Variants in UTP18 observed in about 807,000 individuals in gnomAD.
UTP18 encodes U3 small nucleolar RNA-associated protein 18 homolog.
In UTP18, 36 loss-of-function variants were observed where a neutral mutation model predicts 61.1. That is an observed-to-expected ratio of 0.59 (90% confidence interval 0.45 to 0.78). The LOEUF is 0.78. Among genes scored for constraint, UTP18 ranks in the 30% least tolerant of loss-of-function variants. UTP18 has a pLI of 0.00. For missense variants in UTP18, 753 were observed against 693.9 expected, an observed-to-expected ratio of 1.09 and a Z score of -0.96; for synonymous variants, 282 against 251.1, an observed-to-expected ratio of 1.12 and a Z score of -1.16.
intron 13 of UTP18, 35 bp from the exon 14 acceptor site, chr17:51,297,747 A>T: frequency 2.3e-6 from 1 of 439,970 alleles, no homozygotes; most frequent in Non-Finnish European, 4.5e-6. Flanking sequence ...AGCAGCTATA[A>T]ATCAGGTATG....
At chr17:51,281,141 A>T (rs989963946) in intron 9 of UTP18, among the ~76,000 whole-genome samples, 2 of 144,534 alleles carry the variant, frequency 1.4e-5, no homozygotes, top group East Asian at 4.0e-4. Flanking sequence ...CACGTCTCAA[A>T]ATATATATAT....
Position 51,277,125 on chromosome 17 carries a change from T to C in UTP18, c.838-5T>C, listed in dbSNP as rs753124534. 2 of 1,613,516 alleles carry C rather than the reference T, an allele frequency of 1.2e-6. No homozygotes were observed. The highest frequency in any genetic ancestry group is 1.7e-6 in the Non-Finnish European group (2 of 1,179,688). On this transcript the variant is annotated splice_region_variant and splice_polypyrimidine_tract_variant and intron_variant, in intron 6 of 13. Transcript: ENST00000225298. ...TCAAAAGAACCATTTTGTACTTCTT[T>C]ATAGGTTGATGGGAAAACAAATCCT...
chr17:51,292,860 C>G (rs759397316), intron 11 of UTP18, among the ~76,000 whole-genome samples: 68 of 152,330 alleles, frequency 4.5e-4, no homozygotes, highest in Non-Finnish European at 5.9e-5. Flanking sequence ...GAGCTTTTGG[C>G]TCTCTCTAAA....
chr17:51,296,930 A>C (rs745899051), intron 12 of UTP18, 35 bp from the exon 13 acceptor site: 34 of 1,596,214 alleles, frequency 2.1e-5, no homozygotes, highest in Middle Eastern at 3.3e-4. Flanking sequence ...GGTAATTACA[A>C]AGTTGTTCAG....
chr17:51,283,460 G>T (rs1905015771), intron 9 of UTP18, among the ~76,000 whole-genome samples: 1 of 152,068 alleles, frequency 6.6e-6, no homozygotes, highest in Non-Finnish European at 1.5e-5. Context: ...GAGCCACTGC[G>T]TGTGCACCCT....
chr17:51,274,830 A>G (rs1229718619), intron 5 of UTP18, among the ~76,000 whole-genome samples: 1 of 152,054 alleles, frequency 6.6e-6, no homozygotes, highest in Non-Finnish European at 1.5e-5. Flanking sequence ...AATTAGATAC[A>G]GTGATTTTGT....
At chr17:51,289,987 C>A (rs1029663103) in intron 11 of UTP18, among the ~76,000 whole-genome samples, 1 of 152,036 alleles carries the variant, frequency 6.6e-6, no homozygotes, top group African/African-American at 2.4e-5. Flanking sequence ...TCCACAGAGC[C>A]CTAGATTCTG....
chr17:51,294,044 A>C lies in UTP18; in HGVS notation c.1645A>C (p.Arg549=), dbSNP rs749218608. The C allele has an allele frequency of 1.9e-6, 3 of 1,586,090 alleles. No individual in the cohort carries two copies. Among genetic ancestry groups the C allele is most frequent in the South Asian group, 2.4e-5 (2 of 84,826 alleles). ...GNEKGKALMY[R]LHHYSDF ...TGAAAAGGGCAAGGCCCTGATGTAT[A>C]GGTAGGTATTATTTATGTTTAAAAG... is the stretch of plus-strand genomic sequence containing the variant. The change falls in exon 12 of 14, where the codon AGG becomes CGG. Residue 549 remains arginine, a splice_region_variant and synonymous_variant. Coordinates refer to ENST00000225298, the MANE Select transcript of UTP18 (RefSeq NM_016001.3).
At chr17:51,261,255 G>A (rs1418526022) in intron 1 of UTP18, among the ~76,000 whole-genome samples, 1 of 152,186 alleles carries the variant, frequency 6.6e-6, no homozygotes, top group East Asian at 1.9e-4. Context: ...GTGGTCTTTT[G>A]ATCACCTGCC....
intron 4 of UTP18, among the ~76,000 whole-genome samples, 177 bp from the exon 5 acceptor site, chr17:51,273,185 A>ATTTTTTTTTTTTTT (rs35339641): frequency 7.0e-6 from 1 of 142,332 alleles, no homozygotes. Flanking sequence ...CTCCTTTAAA[A>ATTTTTTTTTTTTTT]TTTTTTTTTT....
chr17:51,288,276 AAGG>A, intron 11 of UTP18, 73 bp downstream of exon 11: 1 of 1,372,686 alleles, frequency 7.3e-7, no homozygotes, highest in Non-Finnish European at 9.8e-7. Context: ...AGTAACAGGA[AAGG>A]AGAGCGTTGA....
At position 51,260,547 on chromosome 17, in the gene UTP18, T is replaced by C. The variant is rs572245450; in HGVS notation, c.-38T>C. On this transcript the variant is annotated 5_prime_UTR_variant, in exon 1 of 14. Transcript: ENST00000225298. ...GGGCCTGGGCGCATGCGCAGCGAGG[T>C]TCCACGTGAGCGCCTGCGTTTCTCC... 1.3e-6 allele frequency: 2 copies of C among 1,584,386 alleles called. No homozygotes were observed. Among genetic ancestry groups the C allele is most frequent in the Admixed American group, 1.8e-5 (1 of 54,736 alleles).
chr17:51,279,974 CTT>C (rs1444732756), intron 7 of UTP18, 29 bp from the exon 8 acceptor site: 2 of 1,543,522 alleles, frequency 1.3e-6, no homozygotes, highest in South Asian at 2.3e-5. Context: ...CTATATAAAA[CTT>C]TATTTAATTG....
intron 5 of UTP18, among the ~76,000 whole-genome samples, chr17:51,274,414 A>G (rs1454359794): frequency 5.9e-5 from 9 of 152,126 alleles, no homozygotes; most frequent in Non-Finnish European, 8.8e-5. Flanking sequence ...ATATTAACAG[A>G]TCTCTCTGTG....
chr17:51,296,592 AT>A (rs1043730435), intron 12 of UTP18: 34 of 167,988 alleles, frequency 2.0e-4, no homozygotes, highest in African/African-American at 7.1e-4. Flanking sequence ...TATAAGTGAA[AT>A]TTTTTTTTCT....
At chr17:51,283,774 C>T (rs1255260789) in intron 9 of UTP18, among the ~76,000 whole-genome samples, 6 of 151,970 alleles carry the variant, frequency 3.9e-5, no homozygotes, top group African/African-American at 9.7e-5. Context: ...GCCACCACGC[C>T]CAGCTAATTT....
intron 10 of UTP18, 134 bp from the exon 11 acceptor site, chr17:51,287,895 T>C: frequency 1.7e-6 from 1 of 576,668 alleles, no homozygotes; most frequent in African/African-American, 2.0e-5. Context: ...TCTGTGGCTA[T>C]AGTGGTGATA....
rs1424080611 is a variant in UTP18 at position 51,297,819 on chromosome 17, T to A, written c.*52T>A. On this transcript the variant is annotated 3_prime_UTR_variant, in exon 14 of 14. Transcript: ENST00000225298. ...CACAAGAGAAGCCTGTCTTGATATA[T>A]CATCTCAGAAACTTTCCTGAATATG... 1 of 387,448 alleles carries A rather than the reference T, an allele frequency of 2.6e-6. No homozygotes were observed. The highest frequency in any genetic ancestry group is 2.2e-5 in the African/African-American group (1 of 44,750). The allele number at this position is 387,448 out of a possible 1,614,324, so 24.0% of individuals were successfully genotyped here.
chr17:51,283,189 G>C (rs1224311642), intron 9 of UTP18, among the ~76,000 whole-genome samples: 1 of 143,114 alleles, frequency 7.0e-6, no homozygotes, highest in Non-Finnish European at 1.5e-5. Context: ...TTTTTTTTCA[G>C]ACTGAGTCTT....
Sources: allele counts gnomAD v4.1 joint callset (sites outside exome capture counted in the v4.1 genomes callset), GRCh38; gene constraint gnomAD v4.1.1; transcripts MANE v1.5; gene names NCBI Gene and HGNC (gene_info 2026-07-23, HGNC 2026-07-21).